The following PIAS2 variants were observed in gnomAD, a reference collection of about 807,000 sequenced individuals.
PIAS2 encodes the protein E3 SUMO-protein ligase PIAS2.
In PIAS2, 19 loss-of-function variants were observed where a neutral mutation model predicts 69.7. The ratio of observed to expected loss-of-function variants is 0.27; its 90% CI spans 0.19 to 0.40. The LOEUF is 0.40. Ranked by LOEUF, PIAS2 falls within the 10% of genes least tolerant of loss-of-function variation. The probability of loss-of-function intolerance (pLI) is 1.00; values close to 1 mark genes in which losing one functional copy is unlikely to be tolerated. For missense variants in PIAS2, 624 were observed against 757.0 expected (o/e 0.82, Z 2.06); for synonymous variants, 261 against 263.2 (o/e 0.99, Z 0.08).
Position 46,913,409 on chromosome 18 carries a change from G to C in PIAS2, c.24+3913C>G, listed in dbSNP as rs2057469799. Reference sequence around the variant, plus strand: ...TTTGGTAAATGTTCTGGTTTACCCAGTATCTATTGATAAAGTTATCATCGC... The same window carrying C: ...TTTGGTAAATGTTCTGGTTTACCCACTATCTATTGATAAAGTTATCATCGC... On this transcript the variant is annotated intron_variant, in intron 1 of 13. Transcript: ENST00000585916. 2.0e-5 allele frequency among the ~76,000 whole-genome samples: 3 copies of C among 152,172 alleles called. No homozygotes were observed. In the South Asian group the frequency reaches 6.2e-4, roughly 32 times the overall value.
intron 1 of PIAS2, among the ~76,000 whole-genome samples, chr18:46,904,750 G>A (rs1243912002): frequency 2.2e-5 from 3 of 138,168 alleles, no homozygotes; most frequent in African/African-American, 5.4e-5. Context: ...GACTCCATCC[G>A]TCTCAAAAAA....
chr18:46,832,882 C>T (rs1163867923), intron 9 of PIAS2, among the ~76,000 whole-genome samples: 6 of 126,942 alleles, frequency 4.7e-5, no homozygotes, highest in African/African-American at 9.4e-5. Flanking sequence ...ACAGAGCAAG[C>T]CTCTGTCTCC....
At chr18:46,858,654 G>A (rs749553026) in intron 3 of PIAS2, among the ~76,000 whole-genome samples, 11 of 152,264 alleles carry the variant, frequency 7.2e-5, no homozygotes, top group East Asian at 1.9e-4. Flanking sequence ...CCTTGATTGC[G>A]GCACTGTACT....
intron 2 of PIAS2, among the ~76,000 whole-genome samples, chr18:46,890,071 G>A (rs1275713113): frequency 6.6e-6 from 1 of 152,160 alleles, no homozygotes; most frequent in African/African-American, 2.4e-5. Context: ...ATTACATTTA[G>A]TGAAATAAGC....
Position 46,807,810 on chromosome 18 carries a change from C to T in PIAS2, c.*4623G>A, listed in dbSNP as rs776608088. 1.3e-5 allele frequency: 2 copies of T among 152,158 alleles called. No homozygotes were observed. Among genetic ancestry groups the T allele is most frequent in the Non-Finnish European group, 2.9e-5 (2 of 68,034 alleles). 9.4% of individuals were successfully genotyped at this position (152,158 alleles called of 1,614,324 possible). ...AAGGCAGAGGGTCTTAGTGCAGATG[C>T]CTGCATAAAGATAAAACGTTGCATG... On this transcript the variant is annotated 3_prime_UTR_variant, in exon 14 of 14. Transcript: ENST00000585916.
chr18:46,841,552 A>G (rs1347187048), intron 8 of PIAS2, among the ~76,000 whole-genome samples: 1 of 152,170 alleles, frequency 6.6e-6, no homozygotes, highest in Admixed American at 6.5e-5. Context: ...ACCAAATCTA[A>G]TCAAAACACC....
intron 2 of PIAS2, among the ~76,000 whole-genome samples, chr18:46,878,793 G>A (rs1256682580): frequency 1.9e-4 from 29 of 152,290 alleles, no homozygotes; most frequent in Non-Finnish European, 2.6e-4. Context: ...ACTAGAACCC[G>A]GGAGGCAGAG....
intron 1 of PIAS2, among the ~76,000 whole-genome samples, chr18:46,902,617 T>C (rs1233986666): frequency 6.6e-6 from 1 of 151,974 alleles, no homozygotes. Context: ...ATTGGAAAAC[T>C]CAACATAGTA....
intron 1 of PIAS2, among the ~76,000 whole-genome samples, chr18:46,913,137 C>T (rs900641485): frequency 6.6e-6 from 1 of 152,116 alleles, no homozygotes; most frequent in African/African-American, 2.4e-5. Flanking sequence ...GTCTGTATCC[C>T]TGCCCAATAA....
intron 13 of PIAS2, 104 bp downstream of exon 13, chr18:46,815,208 A>T: frequency 1.1e-6 from 1 of 870,814 alleles, no homozygotes; most frequent in East Asian, 2.5e-5. Context: ...AATGTAAGTA[A>T]TTCAGAGATG....
Position 46,821,157 on chromosome 18 carries a change from C to A in PIAS2, c.1509-85G>T. On this transcript the variant is annotated intron_variant, in intron 11 of 13. Transcript: ENST00000585916. ...AGCTGCACCACTGGGCATTCTCAGTCGTTCGTTCACCAGTTTCAGCACAAC... is the reference window on the plus strand; with the variant it reads ...AGCTGCACCACTGGGCATTCTCAGTAGTTCGTTCACCAGTTTCAGCACAAC... 3.6e-6 allele frequency: 5 copies of A among 1,401,522 alleles called. No individual in the cohort carries two copies. In the South Asian group the frequency reaches 5.1e-5, roughly 14 times the overall value. The allele number at this position is 1,401,522 out of a possible 1,614,324, so 86.8% of individuals were successfully genotyped here.
chr18:46,817,104 C>A, intron 12 of PIAS2: 1 of 946,426 alleles, frequency 1.1e-6, no homozygotes, highest in Non-Finnish European at 1.3e-6. Context: ...ACAGTAACTT[C>A]TTATCTTTTC....
chr18:46,869,869 C>T (rs978196090), intron 2 of PIAS2, among the ~76,000 whole-genome samples: 1 of 152,142 alleles, frequency 6.6e-6, no homozygotes, highest in Non-Finnish European at 1.5e-5. Context: ...AGATTATGCC[C>T]TGTATTGGCA....
chr18:46,829,667 G>C, intron 10 of PIAS2, 67 bp downstream of exon 10: 2 of 1,399,898 alleles, frequency 1.4e-6, no homozygotes, highest in South Asian at 2.6e-5. Flanking sequence ...TAGTTCTAGG[G>C]GCCAAGATTA....
intron 9 of PIAS2, among the ~76,000 whole-genome samples, chr18:46,834,855 G>T (rs561696322): frequency 6.6e-6 from 1 of 152,302 alleles, no homozygotes; most frequent in East Asian, 1.9e-4. Context: ...TATGCCTGTT[G>T]GCATGAGAGT....
chr18:46,819,609 T>C (rs1317419472), intron 12 of PIAS2, among the ~76,000 whole-genome samples: 1 of 152,044 alleles, frequency 6.6e-6, no homozygotes, highest in Non-Finnish European at 1.5e-5. Context: ...AGGATAAGCA[T>C]TGTGCTTAAA....
At chr18:46,889,720 G>A (rs1423798583) in intron 2 of PIAS2, among the ~76,000 whole-genome samples, 1 of 152,152 alleles carries the variant, frequency 6.6e-6, no homozygotes, top group East Asian at 1.9e-4. Context: ...AATTCCACTT[G>A]TGGGTATACA....
intron 1 of PIAS2, among the ~76,000 whole-genome samples, chr18:46,902,515 G>A (rs533781782): frequency 3.9e-5 from 6 of 152,012 alleles, no homozygotes; most frequent in Admixed American, 1.3e-4. Flanking sequence ...AGCCGAGATC[G>A]TGCCATTGCA....
intron 12 of PIAS2, among the ~76,000 whole-genome samples, chr18:46,820,218 T>G (rs2042016497): frequency 6.6e-6 from 1 of 152,142 alleles, no homozygotes; most frequent in African/African-American, 2.4e-5. Context: ...TAACCGTTAT[T>G]TTAACTTAAT....
Sources: allele counts gnomAD v4.1 joint callset (sites outside exome capture counted in the v4.1 genomes callset), GRCh38; gene constraint gnomAD v4.1.1; transcripts MANE v1.5; gene names NCBI Gene and HGNC (gene_info 2026-07-23, HGNC 2026-07-21).